TSHZ3: variants seen among roughly 807,000 people sequenced by gnomAD.
TSHZ3 encodes the protein teashirt zinc finger homeobox 3, also known as teashirt homolog 3.
Under a neutral mutation model 64.5 loss-of-function variants are expected in TSHZ3, and 10 were observed. The ratio of observed to expected loss-of-function variants is 0.16; its 90% CI spans 0.10 to 0.26. The LOEUF (loss-of-function observed/expected upper bound fraction) is 0.26, where lower values mean the gene tolerates loss of function less well. Ranked by LOEUF, TSHZ3 falls within the 10% of genes least tolerant of loss-of-function variation. The pLI is 1.00. For synonymous variants in TSHZ3, 608 were observed against 593.1 expected (o/e 1.03, Z -0.36); for missense variants, 1,242 against 1,421.7 (o/e 0.87, Z 2.03).
At chr19:31,340,107 C>T (rs989641481) in intron 1 of TSHZ3, among the ~76,000 whole-genome samples, 1 of 151,980 alleles carries the variant, frequency 6.6e-6, no homozygotes, top group African/African-American at 2.4e-5. Context: ...CGCCCTCCCC[C>T]TTTCATTAGC....
chr19:31,349,045 A>T, intron 1 of TSHZ3, 135 bp downstream of exon 1: 2 of 1,171,082 alleles, frequency 1.7e-6, no homozygotes, highest in Non-Finnish European at 2.3e-6. Context: ...ACGCACCCAA[A>T]CAGGAGAGCG....
At chr19:31,312,412 G>A (rs752514091) in intron 1 of TSHZ3, among the ~76,000 whole-genome samples, 3 of 152,134 alleles carry the variant, frequency 2.0e-5, no homozygotes, top group South Asian at 4.1e-4. Flanking sequence ...TCACACTTCC[G>A]ATGGGGTAGT....
intron 5 of TSHZ3, among the ~76,000 whole-genome samples, chr19:31,168,303 C>T (rs1432811876): frequency 4.6e-5 from 7 of 152,148 alleles, no homozygotes; most frequent in African/African-American, 7.2e-5. Flanking sequence ...ATTTCTGCAT[C>T]ACCAGGTGCT....
In TSHZ3 at chr19:31,327,817, G is replaced by A. The variant is rs577190906; in HGVS notation, c.40+21363C>T. On this transcript the variant is annotated intron_variant, in intron 1 of 1. Coordinates refer to ENST00000240587, the MANE Select transcript of TSHZ3 (RefSeq NM_020856.4). ...CAAAATCCAATACACAAAATGAAAC[G>A]AATTGCACTGGGAAAAAAAATAAAG... Among the ~76,000 whole-genome samples the A allele has an allele frequency of 1.5e-4, 23 of 152,112 alleles. No homozygotes were observed. The East Asian group carries it at 2.1e-3, about 14-fold the overall frequency.
rs753638329 is a variant in TSHZ3 at position 31,279,085 on chromosome 19, C to G, written c.708G>C (p.Thr236=). Residue 236 remains threonine, a synonymous_variant, in exon 2 of 2, where the codon ACG becomes ACC. Coordinates refer to ENST00000240587, the MANE Select transcript of TSHZ3 (RefSeq NM_020856.4). This position sits in a 1 kb window ranked among gnomAD's most constrained non-coding sequence, Gnocchi z 6.4. ...CATGGTTGTCGTCGCGGTAATGCCC[C>G]GTCTCGTTCATGTGCACCGTCAACT... ...LVELTVHMNE[T]GHYRDDNHET... 9 of 1,613,986 alleles carry G rather than the reference C, an allele frequency of 5.6e-6. No homozygotes were observed. In the South Asian group the frequency reaches 8.8e-5, roughly 16 times the overall value.
At chr19:31,248,110 A>G (rs889416042) in intron 1 of TSHZ3, among the ~76,000 whole-genome samples, 1 of 152,076 alleles carries the variant, frequency 6.6e-6, no homozygotes, top group Non-Finnish European at 1.5e-5. Context: ...CTTACTCACT[A>G]CCACGAGAAC....
intron 5 of TSHZ3, chr19:31,167,945 A>G (rs1014787016): frequency 6.6e-6 from 1 of 152,196 alleles, no homozygotes; most frequent in Non-Finnish European, 1.5e-5. Context: ...TGTAAGTCAC[A>G]TATGTATGTA....
chr19:31,190,587 C>G (rs1974889307), intron 5 of TSHZ3, among the ~76,000 whole-genome samples: 1 of 152,124 alleles, frequency 6.6e-6, no homozygotes, highest in South Asian at 2.1e-4. Context: ...CTCTTTAGAC[C>G]AAGATGGCAA....
chr19:31,349,211 C>T lies in TSHZ3; in HGVS notation c.9G>A (p.Arg3=), dbSNP rs1599666019. The T allele has an allele frequency of 1.3e-6, 2 of 1,541,396 alleles. No individual in the cohort carries two copies. The highest frequency in any genetic ancestry group is 1.7e-6 in the Non-Finnish European group (2 of 1,144,280). The change falls in exon 1 of 2, where the codon AGG becomes AGA. Residue 3 remains arginine (R), a synonymous_variant. Transcript: ENST00000240587. ...CGCGCCGGGGCGCCTGCTGCTTCCT[C>T]CTCGGCATGATGCTTCTCCGGCGAC... The part of the protein sequence containing the change: MP[R]RKQQAPRRAA...
intron 1 of TSHZ3, among the ~76,000 whole-genome samples, chr19:31,294,065 C>A (rs565047293): frequency 6.6e-6 from 1 of 152,242 alleles, no homozygotes; most frequent in South Asian, 2.1e-4. Flanking sequence ...TCAGTTCTGG[C>A]GAAGTTCCTC....
intron 1 of TSHZ3, among the ~76,000 whole-genome samples, chr19:31,250,066 A>C (rs1447982022): frequency 6.6e-6 from 1 of 152,246 alleles, no homozygotes; most frequent in African/African-American, 2.4e-5. Flanking sequence ...GGCACACAGC[A>C]CATGCCCGGG....
intron 6 of TSHZ3, among the ~76,000 whole-genome samples, chr19:31,154,748 G>A (rs1166248852): frequency 1.3e-5 from 2 of 152,204 alleles, no homozygotes; most frequent in African/African-American, 4.8e-5. Flanking sequence ...GTGCAGGTGG[G>A]CATTTTTCAG....
At chr19:31,281,073 G>A (rs1976353132) in intron 1 of TSHZ3, among the ~76,000 whole-genome samples, 1 of 152,132 alleles carries the variant, frequency 6.6e-6, no homozygotes, top group Non-Finnish European at 1.5e-5. Context: ...AAGGCCAGTG[G>A]GGAAGTGTGT....
chr19:31,252,274 C>T (rs1007508777), intron 1 of TSHZ3, among the ~76,000 whole-genome samples: 1 of 152,128 alleles, frequency 6.6e-6, no homozygotes, highest in South Asian at 2.1e-4. Context: ...GAGGTTGTGG[C>T]TGCATCCCTG....
chr19:31,178,408 T>A (rs1332052773), intron 5 of TSHZ3, among the ~76,000 whole-genome samples: 2 of 152,162 alleles, frequency 1.3e-5, no homozygotes, highest in Non-Finnish European at 2.9e-5. Context: ...GAAGGTGCTA[T>A]CGGTTGGGCA....
At chr19:31,173,445 A>G (rs767990980) in intron 5 of TSHZ3, among the ~76,000 whole-genome samples, 3 of 152,230 alleles carry the variant, frequency 2.0e-5, no homozygotes, top group Non-Finnish European at 4.4e-5. Flanking sequence ...ACTATACTGC[A>G]CATTTAAAAA....
intron 1 of TSHZ3, among the ~76,000 whole-genome samples, chr19:31,254,887 G>A (rs956044075): frequency 3.3e-5 from 5 of 152,230 alleles, no homozygotes; most frequent in African/African-American, 1.2e-4. Context: ...AAGTATGCAA[G>A]GAAGGACTGC....
intron 5 of TSHZ3, among the ~76,000 whole-genome samples, chr19:31,176,431 G>T (rs995920280): frequency 6.6e-6 from 1 of 152,174 alleles, no homozygotes; most frequent in Admixed American, 6.5e-5. Context: ...TTACAGAAGT[G>T]AATATCCAAA....
chr19:31,189,818 C>T (rs1974873827), intron 5 of TSHZ3, among the ~76,000 whole-genome samples: 1 of 152,078 alleles, frequency 6.6e-6, no homozygotes, highest in East Asian at 1.9e-4. Context: ...GAATCTCCAG[C>T]CATAACTGTG....
Sources: allele counts gnomAD v4.1 joint callset (sites outside exome capture counted in the v4.1 genomes callset), GRCh38; gene constraint gnomAD v4.1.1; non-coding constraint Gnocchi (gnomAD v3.1); transcripts MANE v1.5; gene names NCBI Gene and HGNC (gene_info 2026-07-23, HGNC 2026-07-21).